Variants in VAC14 observed in about 807,000 individuals in gnomAD.
VAC14 encodes the protein protein VAC14 homolog.
A neutral mutation model predicts 85.3 loss-of-function variants in VAC14; 47 were observed. That is an observed-to-expected ratio of 0.55 (90% CI 0.44 to 0.70). The LOEUF is 0.70. Ranked by LOEUF, VAC14 falls within the 30% of genes least tolerant of loss-of-function variation. The pLI is 0.00. For missense variants in VAC14, 861 were observed against 1,004.3 expected, an observed-to-expected ratio of 0.86 and a Z score of 1.93; for synonymous variants, 447 against 430.5, an observed-to-expected ratio of 1.04 and a Z score of -0.47.
chr16:70,797,052 A>AC (rs933990166), intron 1 of VAC14, among the ~76,000 whole-genome samples: 2 of 152,082 alleles, frequency 1.3e-5, no homozygotes, highest in Admixed American at 6.5e-5. Context: ...ACATAGTGAG[A>AC]CCCCCATCTC....
intron 14 of VAC14, among the ~76,000 whole-genome samples, chr16:70,721,246 G>C (rs1216447106): frequency 1.3e-5 from 2 of 152,198 alleles, no homozygotes; most frequent in African/African-American, 2.4e-5. Context: ...AGGACGTATA[G>C]ATTGACTTGG....
At chr16:70,768,863 C>T (rs1466900833) in intron 10 of VAC14, 12 of 451,322 alleles carry the variant, frequency 2.7e-5, no homozygotes, top group Middle Eastern at 6.9e-4. Flanking sequence ...TGCAGTGGCG[C>T]GATCTCGGCT....
chr16:70,755,541 C>T (rs748046421), intron 12 of VAC14, among the ~76,000 whole-genome samples: 5 of 152,204 alleles, frequency 3.3e-5, no homozygotes, highest in East Asian at 1.9e-4. Context: ...GCAAGTGATC[C>T]TCCTCACACC....
chr16:70,786,574 TAAGG>T, intron 1 of VAC14: 1 of 601,176 alleles, frequency 1.7e-6, no homozygotes, highest in South Asian at 2.6e-5. Context: ...TACAATGGAA[TAAGG>T]AACAGTGGTG....
chr16:70,762,708 G>T lies in VAC14; in HGVS notation c.1306-103C>A. On this transcript the variant is annotated intron_variant, in intron 11 of 18. Coordinates refer to ENST00000261776, the MANE Select transcript of VAC14 (RefSeq NM_018052.5). This position sits in a 1 kb window ranked among gnomAD's most constrained non-coding sequence, Gnocchi z 4.1. ...TGTGCACGGACCCACTGGTCTGCAC[G>T]GACCACTTCCCTCCCCGACACAATG... 6.7e-7 allele frequency: 1 copy of T among 1,483,706 alleles called. No individual in the cohort carries two copies. The highest frequency in any genetic ancestry group is 9.3e-7 in the Non-Finnish European group (1 of 1,077,742). The allele number at this position is 1,483,706 out of a possible 1,614,324, so 91.9% of individuals were successfully genotyped here. A position where few individuals can be genotyped will look rare whatever the true frequency, so the allele number is the denominator to read the frequency against.
intron 14 of VAC14, among the ~76,000 whole-genome samples, chr16:70,723,953 T>C (rs2054357960): frequency 6.6e-6 from 1 of 152,182 alleles, no homozygotes; most frequent in African/African-American, 2.4e-5. Context: ...GGAGCATGGC[T>C]GCTTGGGCTG....
chr16:70,772,788 T>C (rs2033310093), intron 9 of VAC14: 1 of 152,310 alleles, frequency 6.6e-6, no homozygotes, highest in Non-Finnish European at 1.5e-5. Context: ...CATGTTCACA[T>C]CAGCATTATC....
chr16:70,695,547 T>G lies in VAC14; in HGVS notation c.2032A>C (p.Thr678Pro). ...TGTGGTGGGAGGTGGTTCTTACATG[T>G]GAAGATGGGGCACTCAATCAGCTGC... is the stretch of plus-strand genomic sequence containing the variant. ...LVQLIECPIFTYLRLQLLDVK... is the reference protein window; with the variant it reads ...LVQLIECPIFPYLRLQLLDVK... The change falls in exon 17 of 19, where the codon ACA (threonine) becomes CCA (proline). Residue 678 changes from threonine to proline, a missense_variant. Physicochemically the swap from Thr to Pro is conservative, Grantham distance 38 (BLOSUM62 -1). Coordinates refer to ENST00000261776, the MANE Select transcript of VAC14 (RefSeq NM_018052.5). The G allele has an allele frequency of 6.2e-7, 1 of 1,613,858 alleles. No individual in the cohort carries two copies. Among genetic ancestry groups the G allele is most frequent in the Non-Finnish European group, 8.5e-7 (1 of 1,179,900 alleles).
chr16:70,757,426 A>G (rs372445832), intron 12 of VAC14, among the ~76,000 whole-genome samples: 30 of 152,298 alleles, frequency 2.0e-4, no homozygotes, highest in African/African-American at 4.6e-4. Context: ...TGCTGAATGC[A>G]GCCTTGCTCC....
intron 14 of VAC14, among the ~76,000 whole-genome samples, chr16:70,717,632 T>G (rs1483325055): frequency 6.6e-6 from 1 of 151,382 alleles, no homozygotes. Context: ...GACGGGAGAG[T>G]GCTGGGGTTT....
chr16:70,768,535 C>T (rs1288120607), intron 10 of VAC14: 1 of 302,874 alleles, frequency 3.3e-6, no homozygotes, highest in Non-Finnish European at 6.4e-6. Context: ...GGAACCCAGA[C>T]CTACAGCCAC....
chr16:70,710,289 C>T (rs531918100), intron 14 of VAC14, among the ~76,000 whole-genome samples: 62 of 152,376 alleles, frequency 4.1e-4, no homozygotes, highest in African/African-American at 1.5e-3. Context: ...CCTTCCCACC[C>T]ATTCCCTGCA....
At chr16:70,795,003 T>G (rs1382852868) in intron 1 of VAC14, among the ~76,000 whole-genome samples, 1 of 152,244 alleles carries the variant, frequency 6.6e-6, no homozygotes, top group Non-Finnish European at 1.5e-5. Context: ...TACCACTGTG[T>G]TACAACTGCC....
chr16:70,702,081 G>A (rs560078969), intron 14 of VAC14, among the ~76,000 whole-genome samples: 3 of 152,326 alleles, frequency 2.0e-5, no homozygotes, highest in South Asian at 2.1e-4. Flanking sequence ...AGGGTCTCCC[G>A]AACAGAACGG....
intron 10 of VAC14, among the ~76,000 whole-genome samples, chr16:70,765,968 T>C (rs1418496131): frequency 6.6e-6 from 1 of 151,742 alleles, no homozygotes; most frequent in Non-Finnish European, 1.5e-5. Flanking sequence ...CCTGTCTCTG[T>C]GAAAAATTTA....
chr16:70,753,420 A>G (rs544376981), intron 12 of VAC14, among the ~76,000 whole-genome samples: 2 of 152,300 alleles, frequency 1.3e-5, no homozygotes, highest in South Asian at 4.1e-4. Context: ...CCATCTCCAG[A>G]GGAGGAAAAA....
At chr16:70,753,009 G>GGGGT (rs757389774) in intron 12 of VAC14, among the ~76,000 whole-genome samples, 1 of 136,672 alleles carries the variant, frequency 7.3e-6, no homozygotes. Context: ...GCAGGAGGAG[G>GGGGT]GGGTGTGTGT....
intron 9 of VAC14, among the ~76,000 whole-genome samples, chr16:70,776,622 G>A (rs1212655338): frequency 6.6e-6 from 1 of 151,544 alleles, no homozygotes; most frequent in East Asian, 1.9e-4. Context: ...TTGAGATGGG[G>A]TCTCGCTATA....
intron 3 of VAC14, among the ~76,000 whole-genome samples, chr16:70,785,411 C>A (rs567571038): frequency 6.6e-6 from 1 of 152,238 alleles, no homozygotes; most frequent in African/African-American, 2.4e-5. Context: ...AGCATCATCC[C>A]CTTCTACCAG....
Sources: allele counts gnomAD v4.1 joint callset (sites outside exome capture counted in the v4.1 genomes callset), GRCh38; gene constraint gnomAD v4.1.1; non-coding constraint Gnocchi (gnomAD v3.1); transcripts MANE v1.5; gene names NCBI Gene and HGNC (gene_info 2026-07-23, HGNC 2026-07-21).